Variants in GPC6 observed in about 807,000 individuals in gnomAD.
The protein encoded by GPC6 is glypican 6.
Under a neutral mutation model 55.2 loss-of-function variants are expected in GPC6, and 14 were observed. The observed-to-expected ratio is 0.25, with a 90% CI of 0.17 to 0.40. The LOEUF (loss-of-function observed/expected upper bound fraction) is 0.40, where lower values mean the gene tolerates loss of function less well. GPC6 is among the 10% of genes least tolerant of loss of function. GPC6 has a pLI of 1.00. For synonymous variants in GPC6, 278 were observed against 259.6 expected (o/e 1.07, Z -0.68); for missense variants, 641 against 708.5 (o/e 0.90, Z 1.08).
At chr13:93,254,759 T>A (rs1876898476) in intron 1 of GPC6, among the ~76,000 whole-genome samples, 1 of 151,760 alleles carries the variant, frequency 6.6e-6, no homozygotes, top group African/African-American at 2.4e-5. Context: ...AGCAGAAAAA[T>A]TCATCCTTTA....
chr13:93,824,649 TG>T (rs1032317465), intron 2 of GPC6, among the ~76,000 whole-genome samples: 1 of 151,884 alleles, frequency 6.6e-6, no homozygotes, highest in East Asian at 1.9e-4. Flanking sequence ...ACTTGGAGCA[TG>T]GGGGGTTATA....
At chr13:93,548,229 T>C (rs1874934349) in intron 2 of GPC6, among the ~76,000 whole-genome samples, 1 of 152,230 alleles carries the variant, frequency 6.6e-6, no homozygotes, top group African/African-American at 2.4e-5. Flanking sequence ...TTCCTCTGTT[T>C]CTGCTTTCTC....
At chr13:94,259,246 A>G (rs989378969) in intron 4 of GPC6, among the ~76,000 whole-genome samples, 1 of 152,238 alleles carries the variant, frequency 6.6e-6, no homozygotes, top group Admixed American at 6.5e-5. Flanking sequence ...GACAGCTACA[A>G]GCCTGCCCCT....
At chr13:94,112,851 T>C (rs1886300178) in intron 4 of GPC6, among the ~76,000 whole-genome samples, 1 of 152,076 alleles carries the variant, frequency 6.6e-6, no homozygotes, top group African/African-American at 2.4e-5. Flanking sequence ...TTTTTTTCAG[T>C]TAAACTACTG....
chr13:93,658,805 G>A (rs1261425563), intron 2 of GPC6, among the ~76,000 whole-genome samples: 1 of 151,674 alleles, frequency 6.6e-6, no homozygotes, highest in Non-Finnish European at 1.5e-5. Context: ...TTTGGTATCT[G>A]TGTTCATGAA....
intron 1 of GPC6, among the ~76,000 whole-genome samples, chr13:93,424,511 G>A (rs1010583706): frequency 6.6e-6 from 1 of 152,000 alleles, no homozygotes; most frequent in African/African-American, 2.4e-5. Flanking sequence ...CACCTACTAC[G>A]CAGTGCAACA....
At chr13:93,941,692 T>A (rs1878745820) in intron 3 of GPC6, among the ~76,000 whole-genome samples, 1 of 152,186 alleles carries the variant, frequency 6.6e-6, no homozygotes, top group African/African-American at 2.4e-5. Flanking sequence ...TAGAGAAAGA[T>A]GATATGCCAA....
intron 4 of GPC6, among the ~76,000 whole-genome samples, chr13:94,212,578 A>T (rs1890112194): frequency 6.6e-6 from 1 of 152,204 alleles, no homozygotes; most frequent in Non-Finnish European, 1.5e-5. Flanking sequence ...ACCAGGAAAA[A>T]TATATAGTTC....
rs536142258 is a variant in GPC6, at chr13:93,324,560, GTA to G, written c.160+96955_160+96956del. Among the ~76,000 whole-genome samples the G allele has an allele frequency of 2.7e-3, 314 of 116,444 alleles. 2 individuals carry two copies. The highest frequency in any genetic ancestry group is 0.014 in the South Asian group (50 of 3,644). The allele number at this position is 116,444 out of a possible 152,430, so 76.4% of individuals were successfully genotyped here. On this transcript the variant is annotated intron_variant, in intron 1 of 8. Coordinates refer to ENST00000377047, the MANE Select transcript of GPC6 (RefSeq NM_005708.5). ...TGTATGTGTGTATATATATATATGT[GTA>G]TATATATATACACACACATACATAC...
rs532882906 is a variant in GPC6 at position 94,291,707 on chromosome 13, T to G, written c.1008+5228T>G. 1.5e-4 allele frequency among the ~76,000 whole-genome samples: 23 copies of G among 152,052 alleles called. 1 individual carries two copies. Among genetic ancestry groups the G allele is most frequent in the Middle Eastern group, 3.4e-3 (1 of 294 alleles). On this transcript the variant is annotated intron_variant, in intron 5 of 8. Coordinates refer to ENST00000377047, the MANE Select transcript of GPC6 (RefSeq NM_005708.5). ...GGTGATTGAATTTATCTTTTTTTTT[T>G]TTTTTTCAAAGAAACCCTGGGACAC...
intron 3 of GPC6, among the ~76,000 whole-genome samples, chr13:94,002,934 A>C (rs1881868563): frequency 1.3e-5 from 2 of 152,198 alleles, no homozygotes; most frequent in African/African-American, 2.4e-5. Flanking sequence ...ATGAAAAGTC[A>C]TTTTCTATGG....
At chr13:93,372,166 T>A (rs1874684792) in intron 1 of GPC6, among the ~76,000 whole-genome samples, 1 of 152,184 alleles carries the variant, frequency 6.6e-6, no homozygotes, top group Admixed American at 6.6e-5. Context: ...CAAGAGGCTT[T>A]ATAGTAGATA....
intron 1 of GPC6, among the ~76,000 whole-genome samples, chr13:93,496,993 G>T (rs1211202302): frequency 1.3e-5 from 2 of 152,128 alleles, no homozygotes; most frequent in Non-Finnish European, 2.9e-5. Context: ...AACCCAAGTT[G>T]CATTTCTTGT....
chr13:93,659,392 T>C (rs1246150360), intron 2 of GPC6, among the ~76,000 whole-genome samples: 4 of 152,110 alleles, frequency 2.6e-5, no homozygotes, highest in Admixed American at 2.6e-4. Context: ...TCAATCTGTA[T>C]GAGAATTCTA....
intron 1 of GPC6, among the ~76,000 whole-genome samples, chr13:93,286,756 C>T (rs1878140849): frequency 6.6e-6 from 1 of 152,134 alleles, no homozygotes; most frequent in Non-Finnish European, 1.5e-5. Context: ...CTTCTGAGCA[C>T]TTAGGGAGTG....
chr13:93,949,432 G>T (rs900851312), intron 3 of GPC6, among the ~76,000 whole-genome samples: 6 of 152,122 alleles, frequency 3.9e-5, no homozygotes, highest in African/African-American at 1.4e-4. Flanking sequence ...ATAACCAAGT[G>T]AATACAGCTT....
At chr13:93,745,227 C>T (rs1418186065) in intron 2 of GPC6, among the ~76,000 whole-genome samples, 1 of 152,120 alleles carries the variant, frequency 6.6e-6, no homozygotes, top group Non-Finnish European at 1.5e-5. Context: ...TTTCAGCCTT[C>T]CAGCCTCAAA....
intron 3 of GPC6, among the ~76,000 whole-genome samples, chr13:93,881,884 A>G (rs1016853172): frequency 1.3e-5 from 2 of 151,906 alleles, no homozygotes; most frequent in Non-Finnish European, 2.9e-5. Context: ...TATTTGTTCA[A>G]CCCTAGGACA....
intron 4 of GPC6, among the ~76,000 whole-genome samples, chr13:94,058,817 C>T (rs1884222610): frequency 6.6e-6 from 1 of 152,166 alleles, no homozygotes; most frequent in South Asian, 2.1e-4. Context: ...TGAAGCCACA[C>T]ATCCAAATTC....
Sources: gnomAD v4.1 joint callset for allele counts (sites outside exome capture counted in the v4.1 genomes callset) on GRCh38, gnomAD v4.1.1 for gene constraint, MANE v1.5 for transcripts, NCBI Gene and HGNC (gene_info 2026-07-23, HGNC 2026-07-21) for gene names.